The following CLIP2 variants were observed in gnomAD, a reference collection of about 807,000 sequenced individuals.
The protein encoded by CLIP2 is CAP-Gly domain containing linker protein 2.
CLIP2 carries 41 observed loss-of-function variants against 111.7 expected under a neutral mutation model. The observed-to-expected ratio is 0.37, with a 90% CI of 0.29 to 0.48. The LOEUF (loss-of-function observed/expected upper bound fraction) is 0.48, where lower values mean the gene tolerates loss of function less well. Among genes scored for constraint, CLIP2 ranks in the 20% least tolerant of loss-of-function variants. CLIP2 has a pLI of 0.99. For synonymous variants in CLIP2, 660 were observed against 644.2 expected, an observed-to-expected ratio of 1.02 and a Z score of -0.37; for missense variants, 1,160 against 1,422.1, an observed-to-expected ratio of 0.82 and a Z score of 2.96.
intron 1 of CLIP2, among the ~76,000 whole-genome samples, chr7:74,290,353 C>G (rs551639155): frequency 1.5e-3 from 221 of 152,332 alleles, no homozygotes; most frequent in Non-Finnish European, 2.0e-3. Flanking sequence ...GGTGTCCCCC[C>G]AAGCTGGCGC....
intron 7 of CLIP2, among the ~76,000 whole-genome samples, chr7:74,362,920 G>A (rs905150217): frequency 1.3e-5 from 2 of 152,058 alleles, no homozygotes; most frequent in Admixed American, 6.6e-5. Context: ...TGTGGCCTTC[G>A]GCAGGTCGCC....
intron 13 of CLIP2, chr7:74,389,530 G>A (rs1791215354): frequency 7.7e-6 from 2 of 260,092 alleles, no homozygotes; most frequent in Non-Finnish European, 1.4e-5. Flanking sequence ...GCTGAGGCAG[G>A]AGGATTGAGC....
intron 1 of CLIP2, among the ~76,000 whole-genome samples, chr7:74,298,979 T>C (rs1788249564): frequency 1.3e-5 from 2 of 152,192 alleles, no homozygotes; most frequent in African/African-American, 4.8e-5. Context: ...TCTGTGGCTT[T>C]CAGCCAGAAT....
intron 2 of CLIP2, among the ~76,000 whole-genome samples, chr7:74,324,856 C>A (rs1789068863): frequency 6.7e-6 from 1 of 148,876 alleles, no homozygotes; most frequent in Admixed American, 6.7e-5. Context: ...GGAAGAGTGA[C>A]AGGTGGAAGA....
intron 6 of CLIP2, 72 bp from the exon 7 acceptor site, chr7:74,360,103 C>T (rs1790283048): frequency 7.7e-7 from 1 of 1,301,670 alleles, no homozygotes. Context: ...GCCTGTCTCC[C>T]ACCACACCAC....
At chr7:74,362,420 G>A (rs1277553986) in intron 7 of CLIP2, among the ~76,000 whole-genome samples, 3 of 152,112 alleles carry the variant, frequency 2.0e-5, no homozygotes, top group Non-Finnish European at 4.4e-5. Flanking sequence ...TCAGGGAGAT[G>A]AGGGTGTATT....
At chr7:74,299,857 C>A (rs1788278685) in intron 1 of CLIP2, among the ~76,000 whole-genome samples, 1 of 151,918 alleles carries the variant, frequency 6.6e-6, no homozygotes. Flanking sequence ...GCCCCCATGC[C>A]CGGCTAATTT....
chr7:74,290,220 GC>G (rs1445740213), intron 1 of CLIP2, among the ~76,000 whole-genome samples: 1 of 152,214 alleles, frequency 6.6e-6, no homozygotes, highest in South Asian at 2.1e-4. Flanking sequence ...AACAGGGACT[GC>G]CCCCCTCTCC....
rs568188618 is a variant in CLIP2, at chr7:74,353,951, C to T, written c.750C>T (p.Gly250=). 13 of 1,614,078 alleles carry T rather than the reference C, an allele frequency of 8.1e-6. 1 individual carries two copies. In the East Asian group the frequency reaches 8.9e-5, roughly 11 times the overall value. Residue 250 remains glycine, a synonymous_variant, in exon 4 of 17, where the codon GGC becomes GGT. Coordinates refer to ENST00000223398, the MANE Select transcript of CLIP2 (RefSeq NM_003388.5). ...ETDFAKGEWC[G]VELDEPLGKN... The stretch of plus-strand genomic sequence containing the variant: ...ACTTTGCCAAGGGCGAGTGGTGTGG[C>T]GTGGAGCTGGACGAGCCCCTTGGGA...
intron 8 of CLIP2, among the ~76,000 whole-genome samples, chr7:74,371,548 G>C (rs1414759792): frequency 6.7e-6 from 1 of 149,796 alleles, no homozygotes; most frequent in Non-Finnish European, 1.5e-5. Context: ...GAAAGAGAGA[G>C]GGAGGGACAC....
In CLIP2 at chr7:74,376,054, G is replaced by A. The variant is rs564062850; in HGVS notation, c.1653G>A (p.Ser551=). The A allele has an allele frequency of 4.0e-5, 65 of 1,612,622 alleles. No individual in the cohort carries two copies. The highest frequency in any genetic ancestry group is 5.3e-5 in the African/African-American group (4 of 75,008). The part of the protein sequence containing the change: ...EILRLRERLL[S]ASKEHQRESG... ...TGCGGCTACGGGAGCGGCTGCTCTCGGCCAGCAAGGAACACCAGAGGGAGA... is the reference window on the plus strand; with the variant it reads ...TGCGGCTACGGGAGCGGCTGCTCTCAGCCAGCAAGGAACACCAGAGGGAGA... Residue 551 remains serine (S), a synonymous_variant, in exon 10 of 17, where the codon TCG becomes TCA. Transcript: ENST00000223398. This position sits in a 1 kb window ranked among gnomAD's most constrained non-coding sequence, Gnocchi z 7.1.
At chr7:74,394,247 T>TC (rs1236172316) in intron 13 of CLIP2, among the ~76,000 whole-genome samples, 23 of 141,630 alleles carry the variant, frequency 1.6e-4, no homozygotes, top group Admixed American at 1.2e-3. Flanking sequence ...TTCTTCTTAT[T>TC]TTTTTTTTTT....
chr7:74,390,134 G>GAGAGAGAA (rs201359762), intron 13 of CLIP2, among the ~76,000 whole-genome samples: 1 of 103,282 alleles, frequency 9.7e-6, no homozygotes, highest in Admixed American at 1.2e-4. Context: ...GAGAGAGAGA[G>GAGAGAGAA]AGAAAGAAAG....
chr7:74,321,901 G>A (rs942379479), intron 2 of CLIP2, among the ~76,000 whole-genome samples: 7 of 151,614 alleles, frequency 4.6e-5, no homozygotes, highest in African/African-American at 1.5e-4. Context: ...TTCCAGACGT[G>A]CAAACTCCAT....
In CLIP2 at chr7:74,289,655, C is replaced by G. The variant is rs1250459217; in HGVS notation, c.-147C>G. 1.3e-5 allele frequency: 2 copies of G among 152,120 alleles called. No individual in the cohort carries two copies. Among genetic ancestry groups the G allele is most frequent in the Admixed American group, 6.6e-5 (1 of 15,262 alleles). The allele number at this position is 152,120 out of a possible 1,614,324, so 9.4% of individuals were successfully genotyped here. A position where few individuals can be genotyped will look rare whatever the true frequency, so the allele number is the denominator to read the frequency against. On this transcript the variant is annotated 5_prime_UTR_variant, in exon 1 of 17. Transcript: ENST00000223398. ...GGAGGGGCCGCAGCATCCTCGCCCC[C>G]CAGCGCGCCCGGGCCCGAGAGGAGG...
intron 8 of CLIP2, among the ~76,000 whole-genome samples, chr7:74,370,239 G>C (rs1203838971): frequency 6.6e-6 from 1 of 150,606 alleles, no homozygotes; most frequent in African/African-American, 2.4e-5. Flanking sequence ...GGCGGATCAC[G>C]AGGTCAGGGG....
At chr7:74,295,287 G>A (rs1302095339) in intron 1 of CLIP2, among the ~76,000 whole-genome samples, 2 of 152,082 alleles carry the variant, frequency 1.3e-5, no homozygotes, top group East Asian at 3.8e-4. Flanking sequence ...AGCATAGGTG[G>A]GCTTGAGGCA....
intron 2 of CLIP2, among the ~76,000 whole-genome samples, chr7:74,325,061 C>G (rs1789072999): frequency 6.6e-6 from 1 of 152,142 alleles, no homozygotes; most frequent in African/African-American, 2.4e-5. Context: ...GGGGAGCACG[C>G]TGGAGTCTGC....
intron 1 of CLIP2, among the ~76,000 whole-genome samples, chr7:74,307,646 A>G (rs998422535): frequency 2.0e-5 from 3 of 152,058 alleles, no homozygotes; most frequent in Admixed American, 1.3e-4. Flanking sequence ...GCCCACCACC[A>G]TGCCTGGCTA....
Sources: allele counts gnomAD v4.1 joint callset (sites outside exome capture counted in the v4.1 genomes callset), GRCh38; gene constraint gnomAD v4.1.1; non-coding constraint Gnocchi (gnomAD v3.1); transcripts MANE v1.5; gene names NCBI Gene and HGNC (gene_info 2026-07-23, HGNC 2026-07-21).